Variants in DLG1 observed in about 807,000 individuals in gnomAD.
The protein encoded by DLG1 is discs large MAGUK scaffold protein 1.
DLG1 carries 42 observed loss-of-function variants against 123.4 expected under a neutral mutation model. The observed-to-expected ratio is 0.34, with a 90% CI of 0.27 to 0.44. The LOEUF (loss-of-function observed/expected upper bound fraction) is 0.44, where lower values mean the gene tolerates loss of function less well. Ranked by LOEUF, DLG1 falls within the 20% of genes least tolerant of loss-of-function variation. The pLI is 1.00. For synonymous variants in DLG1, 317 were observed against 356.2 expected (o/e 0.89, Z 1.24); for missense variants, 942 against 1,082.6 (o/e 0.87, Z 1.82).
chr3:197,260,662 G>T (rs1758927373), intron 4 of DLG1, among the ~76,000 whole-genome samples: 1 of 133,654 alleles, frequency 7.5e-6, no homozygotes, highest in Non-Finnish European at 1.5e-5. Context: ...GTCATCTGAT[G>T]AAATGCTCCA....
At chr3:197,293,792 G>A (rs190813262) in intron 3 of DLG1, 1 of 154,028 alleles carries the variant, frequency 6.5e-6, no homozygotes, top group East Asian at 2.0e-4. Context: ...AATTAAGGAA[G>A]TGAAAAATCT....
At chr3:197,126,608 A>T (rs1343881465) in intron 11 of DLG1, among the ~76,000 whole-genome samples, 3 of 152,240 alleles carry the variant, frequency 2.0e-5, no homozygotes, top group African/African-American at 7.2e-5. Context: ...CTCATTATTT[A>T]AAAAATACAC....
chr3:197,256,475 G>C (rs142177927), intron 4 of DLG1, among the ~76,000 whole-genome samples: 1 of 152,358 alleles, frequency 6.6e-6, no homozygotes, highest in African/African-American at 2.4e-5. Flanking sequence ...CTTTAAAACC[G>C]TCTCTTCTAA....
At chr3:197,177,239 C>G (rs762351498) in intron 5 of DLG1, among the ~76,000 whole-genome samples, 15 of 152,142 alleles carry the variant, frequency 9.9e-5, no homozygotes, top group Non-Finnish European at 2.1e-4. Context: ...GGGTCAGCAT[C>G]TCACAGCCAG....
At chr3:197,241,837 C>T (rs989916018) in intron 4 of DLG1, among the ~76,000 whole-genome samples, 20 of 151,996 alleles carry the variant, frequency 1.3e-4, no homozygotes, top group African/African-American at 3.9e-4. Flanking sequence ...AAACCTATAA[C>T]AAATTCACTA....
intron 4 of DLG1, among the ~76,000 whole-genome samples, chr3:197,229,044 C>T (rs1741445178): frequency 6.6e-6 from 1 of 152,172 alleles, no homozygotes; most frequent in African/African-American, 2.4e-5. Context: ...GCAATGTCTG[C>T]TGCCCAATCG....
intron 5 of DLG1, among the ~76,000 whole-genome samples, chr3:197,172,923 G>A (rs1241194915): frequency 6.6e-6 from 1 of 152,158 alleles, no homozygotes; most frequent in Non-Finnish European, 1.5e-5. Flanking sequence ...GCATTAGGAA[G>A]TACAACTTCT....
intron 15 of DLG1, among the ~76,000 whole-genome samples, chr3:197,086,291 CTT>C (rs942804540): frequency 2.6e-5 from 4 of 152,258 alleles, no homozygotes; most frequent in African/African-American, 9.6e-5. Flanking sequence ...TTACAGATGA[CTT>C]TAACAGCTGC....
At chr3:197,112,055 C>A (rs572867707) in intron 13 of DLG1, among the ~76,000 whole-genome samples, 1 of 152,248 alleles carries the variant, frequency 6.6e-6, no homozygotes, top group South Asian at 2.1e-4. Flanking sequence ...TCTTAAAAAC[C>A]TTCCCAAAAG....
At chr3:197,075,796 TG>T in intron 18 of DLG1, 1 of 1,590,092 alleles carries the variant, frequency 6.3e-7, no homozygotes, top group South Asian at 1.1e-5. Flanking sequence ...GGTCTGCAGA[TG>T]GAGGTTAAAA....
chr3:197,051,747 C>A, intron 23 of DLG1, 79 bp from the exon 24 acceptor site: 5 of 990,816 alleles, frequency 5.0e-6, no homozygotes, highest in Non-Finnish European at 5.8e-6. Context: ...AGAGATGACA[C>A]ATAAAATAGA....
intron 17 of DLG1, among the ~76,000 whole-genome samples, chr3:197,078,810 TG>T (rs1748998914): frequency 1.3e-5 from 2 of 152,210 alleles, no homozygotes; most frequent in African/African-American, 2.4e-5. Flanking sequence ...ATACAACTGA[TG>T]TGTTTTTTAT....
intron 12 of DLG1, among the ~76,000 whole-genome samples, 169 bp downstream of exon 12, chr3:197,119,241 T>C (rs1238657414): frequency 6.6e-6 from 1 of 152,210 alleles, no homozygotes; most frequent in Non-Finnish European, 1.5e-5. Context: ...AAAACATGTA[T>C]ATTTCAGGCT....
At chr3:197,148,411 G>GAAAAA (rs780479244) in intron 6 of DLG1, among the ~76,000 whole-genome samples, 10 of 42,860 alleles carry the variant, frequency 2.3e-4, no homozygotes, top group Non-Finnish European at 3.9e-4. Flanking sequence ...ACTGTCTCAA[G>GAAAAA]AAAAAAAAAA....
chr3:197,059,012 G>A (rs1343850394), intron 23 of DLG1, among the ~76,000 whole-genome samples: 1 of 152,086 alleles, frequency 6.6e-6, no homozygotes, highest in East Asian at 1.9e-4. Flanking sequence ...TGCAAGCTCC[G>A]CCTCCTGGGT....
chr3:197,154,809 G>A (rs1450044629), intron 5 of DLG1, among the ~76,000 whole-genome samples: 1 of 152,132 alleles, frequency 6.6e-6, no homozygotes, highest in Non-Finnish European at 1.5e-5. Flanking sequence ...AAATTCACTG[G>A]AGAGATTCAA....
intron 5 of DLG1, chr3:197,183,913 T>C: frequency 6.9e-7 from 1 of 1,450,304 alleles, no homozygotes; most frequent in East Asian, 2.5e-5. Flanking sequence ...CAGCATCACT[T>C]GTAGATCAGT....
chr3:197,099,099 T>C (rs1762137307), intron 14 of DLG1, among the ~76,000 whole-genome samples: 1 of 152,242 alleles, frequency 6.6e-6, no homozygotes, highest in Non-Finnish European at 1.5e-5. Flanking sequence ...AGGCTCTTGC[T>C]CTGTCATCCA....
intron 4 of DLG1, among the ~76,000 whole-genome samples, chr3:197,235,591 T>A (rs1198579781): frequency 2.6e-5 from 4 of 152,226 alleles, no homozygotes; most frequent in Non-Finnish European, 4.4e-5. Context: ...AAAGGCTACT[T>A]GAGATCCAAC....
Sources: gnomAD v4.1 joint callset for allele counts (sites outside exome capture counted in the v4.1 genomes callset) on GRCh38, gnomAD v4.1.1 for gene constraint, MANE v1.5 for transcripts, NCBI Gene and HGNC (gene_info 2026-07-23, HGNC 2026-07-21) for gene names.